EPHA6: variants seen among roughly 807,000 people sequenced by gnomAD.
EPHA6 encodes EPH receptor A6.
Under a neutral mutation model 112.0 loss-of-function variants are expected in EPHA6, and 50 were observed. The observed-to-expected ratio is 0.45, with a 90% confidence interval of 0.36 to 0.56. The LOEUF is 0.56. Ranked by LOEUF, EPHA6 falls within the 20% of genes least tolerant of loss-of-function variation. The pLI, the probability that EPHA6 is intolerant of heterozygous loss-of-function variation, is 0.00. For missense variants in EPHA6, 1,280 were observed against 1,417.4 expected (o/e 0.90, Z 1.56); for synonymous variants, 529 against 490.7 (o/e 1.08, Z -1.03).
chr3:97,275,876 G>A (rs1229563110), intron 5 of EPHA6, among the ~76,000 whole-genome samples: 2 of 151,956 alleles, frequency 1.3e-5, no homozygotes, highest in Non-Finnish European at 2.9e-5. Context: ...TGAACTGGGG[G>A]GAAAGGTGGC....
intron 5 of EPHA6, 22 bp from the exon 6 acceptor site, chr3:97,405,128 T>C (rs1217192897): frequency 6.4e-7 from 1 of 1,566,474 alleles, no homozygotes; most frequent in East Asian, 2.3e-5. Flanking sequence ...AATTAATTCT[T>C]AGTTATTTTC....
At chr3:97,560,004 C>T (rs1056817424) in intron 11 of EPHA6, among the ~76,000 whole-genome samples, 6 of 150,950 alleles carry the variant, frequency 4.0e-5, no homozygotes, top group African/African-American at 9.7e-5. Context: ...ATACTGCATC[C>T]ATAAAATAAG....
At chr3:97,154,468 T>C (rs1286053946) in intron 3 of EPHA6, among the ~76,000 whole-genome samples, 3 of 152,156 alleles carry the variant, frequency 2.0e-5, no homozygotes, top group African/African-American at 7.2e-5. Context: ...CCTCACATAA[T>C]TAACATATTT....
intron 11 of EPHA6, among the ~76,000 whole-genome samples, chr3:97,579,260 T>A (rs901884779): frequency 1.3e-5 from 2 of 152,176 alleles, no homozygotes; most frequent in African/African-American, 4.8e-5. Flanking sequence ...GAAAAGTAAG[T>A]TTAAACCGTT....
intron 10 of EPHA6, among the ~76,000 whole-genome samples, chr3:97,507,241 C>A (rs775527786): frequency 6.6e-6 from 1 of 152,086 alleles, no homozygotes; most frequent in South Asian, 2.1e-4. Flanking sequence ...TGTCTTGTAC[C>A]AATTATCAAT....
chr3:97,063,262 GCAGCAACTATTCACAATAGCA>G (rs1488199221), intron 3 of EPHA6, among the ~76,000 whole-genome samples: 2 of 152,216 alleles, frequency 1.3e-5, no homozygotes, highest in Admixed American at 1.3e-4. Flanking sequence ...TATGTTCATT[GCAGCAACTATTCACAATAGCA>G]AAGACATGGA....
chr3:97,124,273 C>T (rs528711320), intron 3 of EPHA6, among the ~76,000 whole-genome samples: 40 of 151,604 alleles, frequency 2.6e-4, no homozygotes, highest in African/African-American at 7.5e-4. Flanking sequence ...TTTCCAGATG[C>T]GTTTCAGTAT....
intron 14 of EPHA6, among the ~76,000 whole-genome samples, chr3:97,695,783 C>T (rs1269116384): frequency 6.6e-6 from 1 of 152,182 alleles, no homozygotes; most frequent in African/African-American, 2.4e-5. Flanking sequence ...TCGTGATCCA[C>T]ATGCTTCGGC....
chr3:97,237,122 C>T (rs931928215), intron 4 of EPHA6, among the ~76,000 whole-genome samples: 16 of 151,680 alleles, frequency 1.1e-4, no homozygotes, highest in African/African-American at 3.1e-4. Context: ...GCAGCATTCA[C>T]GATTTTGCAG....
intron 5 of EPHA6, among the ~76,000 whole-genome samples, chr3:97,351,588 C>T (rs896653223): frequency 2.0e-5 from 3 of 151,962 alleles, no homozygotes; most frequent in Non-Finnish European, 4.4e-5. Flanking sequence ...TTCTTCTGTT[C>T]CTGAAATAAC....
chr3:97,661,558 C>A (rs1257720625), intron 14 of EPHA6, among the ~76,000 whole-genome samples: 1 of 152,088 alleles, frequency 6.6e-6, no homozygotes, highest in Non-Finnish European at 1.5e-5. Context: ...ACCTAGGCAA[C>A]TTTTTAAGAA....
chr3:96,883,440 T>G (rs2037438175), intron 2 of EPHA6, among the ~76,000 whole-genome samples: 1 of 152,182 alleles, frequency 6.6e-6, no homozygotes, highest in African/African-American at 2.4e-5. Flanking sequence ...CTATTTATCT[T>G]TGTTTTTATT....
At chr3:96,994,389 C>T (rs1242509059) in intron 3 of EPHA6, among the ~76,000 whole-genome samples, 1 of 151,890 alleles carries the variant, frequency 6.6e-6, no homozygotes, top group African/African-American at 2.4e-5. Flanking sequence ...TAATGTCAGA[C>T]TTTTCTAAGG....
chr3:96,982,362 G>T (rs2042830270), intron 2 of EPHA6, among the ~76,000 whole-genome samples: 2 of 152,192 alleles, frequency 1.3e-5, no homozygotes, highest in South Asian at 4.1e-4. Flanking sequence ...TAGTTGAGTG[G>T]TTTTGAGTGA....
rs397990599 is a variant in EPHA6, at chr3:97,668,911, CAAAAAAAAAAA to C, written c.2784+30852_2784+30862del. On this transcript the variant is annotated intron_variant, in intron 14 of 17. Transcript: ENST00000389672. ...TGTGTGACAGAGTGAGACTCTGTCT[CAAAAAAAAAAA>C]AAAAAAAAAAAAAAAAAAAAAATCC... Among the ~76,000 whole-genome samples, 191 of 31,898 alleles carry C rather than the reference CAAAAAAAAAAA, an allele frequency of 6.0e-3. 2 individuals carry two copies. Among genetic ancestry groups the C allele is most frequent in the African/African-American group, 0.02 (169 of 8,398 alleles). The allele number at this position is 31,898 out of a possible 152,430, so 20.9% of individuals were successfully genotyped here.
chr3:97,191,070 C>T (rs1006577463), intron 3 of EPHA6, among the ~76,000 whole-genome samples: 3 of 152,098 alleles, frequency 2.0e-5, no homozygotes, highest in African/African-American at 7.2e-5. Flanking sequence ...TGCCATTGTA[C>T]TTGTTGTCTT....
intron 12 of EPHA6, among the ~76,000 whole-genome samples, chr3:97,599,861 A>G (rs1234926183): frequency 6.6e-6 from 1 of 152,176 alleles, no homozygotes; most frequent in Non-Finnish European, 1.5e-5. Flanking sequence ...CTTGAGCAGT[A>G]TGGCCATGTT....
intron 11 of EPHA6, among the ~76,000 whole-genome samples, chr3:97,548,923 A>G (rs745343706): frequency 6.6e-6 from 1 of 152,190 alleles, no homozygotes; most frequent in Non-Finnish European, 1.5e-5. Flanking sequence ...ATTATAATGG[A>G]GCTGGAAAAC....
At chr3:97,172,882 A>T (rs1344406258) in intron 3 of EPHA6, among the ~76,000 whole-genome samples, 2 of 151,960 alleles carry the variant, frequency 1.3e-5, no homozygotes, top group East Asian at 1.9e-4. Flanking sequence ...AATCAACAGT[A>T]TTTACATTTT....
Sources: allele counts gnomAD v4.1 joint callset (sites outside exome capture counted in the v4.1 genomes callset), GRCh38; gene constraint gnomAD v4.1.1; transcripts MANE v1.5; gene names NCBI Gene and HGNC (gene_info 2026-07-23, HGNC 2026-07-21).